The following SYMPK variants were observed in gnomAD, a reference collection of about 807,000 sequenced individuals.
The protein encoded by SYMPK is symplekin scaffold protein, also known as symplekin.
Under a neutral mutation model 136.4 loss-of-function variants are expected in SYMPK, and 49 were observed. That is an observed-to-expected ratio of 0.36 (90% CI 0.29 to 0.46). The LOEUF (loss-of-function observed/expected upper bound fraction) is 0.46, where lower values mean the gene tolerates loss of function less well. Among genes scored for constraint, SYMPK ranks in the 20% least tolerant of loss-of-function variants. The pLI, the probability that SYMPK is intolerant of heterozygous loss-of-function variation, is 1.00. For synonymous variants in SYMPK, 766 were observed against 713.0 expected, an observed-to-expected ratio of 1.07 and a Z score of -1.19; for missense variants, 1,365 against 1,690.0, an observed-to-expected ratio of 0.81 and a Z score of 3.37.
In SYMPK at chr19:45,816,545, G is replaced by T; in HGVS notation, c.3291C>A (p.Ile1097=). The T allele has an allele frequency of 6.2e-7, 1 of 1,613,772 alleles. No homozygotes were observed. The highest frequency in any genetic ancestry group is 8.5e-7 in the Non-Finnish European group (1 of 1,179,988). The change falls in exon 25 of 27, where the codon ATC becomes ATA. Residue 1097 remains isoleucine, a synonymous_variant. Coordinates refer to ENST00000245934, the MANE Select transcript of SYMPK (RefSeq NM_004819.3). The part of the protein sequence containing the change: ...QAHIPNSIMT[I]LEASGKQEPE... ...GCTCCTGCTTGCCGCTGGCCTCCAAGATGGTCATGATGGAGTTAGGGATGT... is the reference window on the plus strand; with the variant it reads ...GCTCCTGCTTGCCGCTGGCCTCCAATATGGTCATGATGGAGTTAGGGATGT...
rs559485753 is a variant in SYMPK, at chr19:45,821,047, G to A, written c.2893+337C>T. On this transcript the variant is annotated intron_variant, in intron 22 of 26. Transcript: ENST00000245934. This position sits in a 1 kb window ranked among gnomAD's most constrained non-coding sequence, Gnocchi z 4.4. ...CTGCTGCGCCTCTACCACTCACGGT[G>A]TGCCCTGCTTCCTTCTGTTCCTCGG... 9.7e-6 allele frequency: 6 copies of A among 616,350 alleles called. No individual in the cohort carries two copies. Among genetic ancestry groups the A allele is most frequent in the South Asian group, 1.9e-5 (1 of 52,200 alleles). 38.2% of individuals were successfully genotyped at this position (616,350 alleles called of 1,614,324 possible). A position where few individuals can be genotyped will look rare whatever the true frequency, so the allele number is the denominator to read the frequency against.
chr19:45,857,851 T>C (rs1600536656), intron 1 of SYMPK, among the ~76,000 whole-genome samples: 1 of 146,404 alleles, frequency 6.8e-6, no homozygotes, highest in African/African-American at 2.6e-5. Context: ...CAGGCTGGAG[T>C]GTAATGGCAC....
intron 11 of SYMPK, among the ~76,000 whole-genome samples, chr19:45,834,022 TCA>T (rs1971244908): frequency 6.6e-6 from 1 of 152,074 alleles, no homozygotes; most frequent in South Asian, 2.1e-4. Context: ...GTGCACTGGC[TCA>T]CACCTGTAAT....
intron 11 of SYMPK, among the ~76,000 whole-genome samples, chr19:45,833,553 G>C (rs1476763231): frequency 6.6e-6 from 1 of 152,188 alleles, no homozygotes; most frequent in Non-Finnish European, 1.5e-5. Flanking sequence ...AGTGAGCTGA[G>C]ATCGTGCCAT....
intron 1 of SYMPK, chr19:45,854,849 T>G: frequency 3.5e-6 from 1 of 288,396 alleles, no homozygotes; most frequent in Non-Finnish European, 6.7e-6. Flanking sequence ...ATCTGGGATA[T>G]GCTTTGGACT....
chr19:45,817,395 CG>C (rs36161605), intron 23 of SYMPK, among the ~76,000 whole-genome samples: 3 of 142,788 alleles, frequency 2.1e-5, no homozygotes, highest in African/African-American at 5.2e-5. Context: ...ATTAGTCCTG[CG>C]GGGTTTGGTT....
At position 45,842,508 on chromosome 19, in the gene SYMPK, G is replaced by T; in HGVS notation, c.848-19C>A. ...AGGTTGGCTGTGAGGAAAGTGGCAGGAGCTGTGTCTTGTGGAAGATCTCAT... is the reference window on the plus strand; with the variant it reads ...AGGTTGGCTGTGAGGAAAGTGGCAGTAGCTGTGTCTTGTGGAAGATCTCAT... On this transcript the variant is annotated intron_variant, in intron 8 of 26. Coordinates refer to ENST00000245934, the MANE Select transcript of SYMPK (RefSeq NM_004819.3). 1 of 1,602,990 alleles carries T rather than the reference G, an allele frequency of 6.2e-7. No homozygotes were observed. Among genetic ancestry groups the T allele is most frequent in the South Asian group, 1.1e-5 (1 of 90,808 alleles).
Position 45,821,843 on chromosome 19 carries a change from C to A in SYMPK, c.2792-358G>T, listed in dbSNP as rs1970907963. 6.6e-6 allele frequency among the ~76,000 whole-genome samples: 1 copy of A among 152,170 alleles called. No homozygotes were observed. Among genetic ancestry groups the A allele is most frequent in the South Asian group, 2.1e-4 (1 of 4,834 alleles). On this transcript the variant is annotated intron_variant, in intron 21 of 26. Transcript: ENST00000245934. The surrounding 1 kb of genome is among the most constrained non-coding windows in gnomAD (Gnocchi z 4.4). ...CCACCGCGGCACAGGGGGTCATGGG[C>A]ATTTGTGGCACAGGGCAAGATGGAG...
In SYMPK at chr19:45,863,090, C is replaced by A. The variant is rs975243793; in HGVS notation, c.-45G>T. On this transcript the variant is annotated 5_prime_UTR_variant, in exon 1 of 27. It adds an upstream start codon to the 5' untranslated region. Coordinates refer to ENST00000245934, the MANE Select transcript of SYMPK (RefSeq NM_004819.3). The stretch of plus-strand genomic sequence containing the variant: ...CTGGCCTCCGTTCCCCTCGCGCCCC[C>A]TCAGCAGTGCCTCTTCCTACACTCC... The A allele has an allele frequency of 2.2e-5, 9 of 402,876 alleles. No homozygotes were observed. The highest frequency in any genetic ancestry group is 4.4e-5 in the Admixed American group (1 of 22,730). 25.0% of individuals were successfully genotyped at this position (402,876 alleles called of 1,614,324 possible).
rs971625105 is a variant in SYMPK, at chr19:45,844,205, G to C, written c.677-5C>G. 4.9e-5 allele frequency: 78 copies of C among 1,577,260 alleles called. No individual in the cohort carries two copies. The highest frequency in any genetic ancestry group is 6.0e-5 in the Non-Finnish European group (70 of 1,161,598). The stretch of plus-strand genomic sequence containing the variant: ...TGCCCTCTTCCCATAGCACGTCTAA[G>C]AGACAGAGAGGAGAACCAGTCAGTG... On this transcript the variant is annotated splice_polypyrimidine_tract_variant and splice_region_variant and intron_variant, in intron 7 of 26. Coordinates refer to ENST00000245934, the MANE Select transcript of SYMPK (RefSeq NM_004819.3).
At chr19:45,831,173 T>TG in intron 12 of SYMPK, 1 of 338,534 alleles carries the variant, frequency 3.0e-6, no homozygotes. Flanking sequence ...AAAAGGATTT[T>TG]TTTTTTTTTT....
rs3810333 is a variant in SYMPK at position 45,815,433 on chromosome 19, T to C, written c.*127A>G. The C allele has an allele frequency of 0.43, 454,604 of 1,057,398 alleles. 101,559 individuals carry two copies. The highest frequency in any genetic ancestry group is 0.6 in the East Asian group (21,035 of 34,838). 65.5% of individuals were successfully genotyped at this position (1,057,398 alleles called of 1,614,324 possible). A position where few individuals can be genotyped will look rare whatever the true frequency, so the allele number is the denominator to read the frequency against. ...CAGGCCCGCCATCCCTTTTTTTTTT[T>C]CTTTTCAGTAACTTGCCCAAGTTCA... On this transcript the variant is annotated 3_prime_UTR_variant, in exon 27 of 27. Coordinates refer to ENST00000245934, the MANE Select transcript of SYMPK (RefSeq NM_004819.3).
At chr19:45,820,683 C>T (rs1970867527) in intron 22 of SYMPK, 1 of 158,738 alleles carries the variant, frequency 6.3e-6, no homozygotes, top group Admixed American at 6.3e-5. Context: ...TCCTTAGACG[C>T]GGAACCGGCA....
chr19:45,842,668 GTC>G (rs1052036006), intron 8 of SYMPK, 179 bp from the exon 9 acceptor site: 7 of 717,682 alleles, frequency 9.8e-6, no homozygotes, highest in Non-Finnish European at 1.3e-5. Flanking sequence ...AACCCTGGGG[GTC>G]TCCATCAGTA....
chr19:45,825,404 C>T, intron 17 of SYMPK, 73 bp from the exon 18 acceptor site: 3 of 1,532,104 alleles, frequency 2.0e-6, no homozygotes, highest in Non-Finnish European at 2.6e-6. Context: ...AGGAATGTCC[C>T]TTCTTGGGCA....
chr19:45,830,254 G>C, intron 12 of SYMPK, 50 bp from the exon 13 acceptor site: 4 of 1,566,192 alleles, frequency 2.6e-6, no homozygotes, highest in Non-Finnish European at 3.5e-6. Context: ...CTGCAGCAAA[G>C]GCCTGTCTGG....
At position 45,830,407 on chromosome 19, in the gene SYMPK, G is replaced by C; in HGVS notation, c.1599-203C>G. 6.7e-6 allele frequency: 4 copies of C among 595,600 alleles called. No homozygotes were observed. In the South Asian group the frequency reaches 8.5e-5, roughly 13 times the overall value. The allele number at this position is 595,600 out of a possible 1,614,324, so 36.9% of individuals were successfully genotyped here. On this transcript the variant is annotated intron_variant, in intron 12 of 26. Transcript: ENST00000245934. ...GAGGATGTTATTTTGGTTTTGCAGA[G>C]GGCGTCTTACGGAAGGCTTCTGTGA...
intron 16 of SYMPK, 118 bp from the exon 17 acceptor site, chr19:45,826,491 C>T: frequency 9.2e-7 from 1 of 1,086,276 alleles, no homozygotes; most frequent in Non-Finnish European, 1.3e-6. Flanking sequence ...AGGGGCAGCC[C>T]AGCTGTTACC....
At chr19:45,847,692 C>T (rs1258546060) in intron 7 of SYMPK, 60 bp downstream of exon 7, 8 of 1,562,396 alleles carry the variant, frequency 5.1e-6, no homozygotes, top group East Asian at 2.3e-5. Context: ...GAGGGAGGGG[C>T]GTGAAGGAGA....
Sources: allele counts gnomAD v4.1 joint callset (sites outside exome capture counted in the v4.1 genomes callset), GRCh38; gene constraint gnomAD v4.1.1; non-coding constraint Gnocchi (gnomAD v3.1); transcripts MANE v1.5; gene names NCBI Gene and HGNC (gene_info 2026-07-23, HGNC 2026-07-21).